Variants in CUBN observed in about 807,000 individuals in gnomAD.
CUBN encodes 460 kDa receptor.
A neutral mutation model predicts 405.3 loss-of-function variants in CUBN; 282 were observed. The ratio of observed to expected loss-of-function variants is 0.70; its 90% CI spans 0.63 to 0.77. CUBN has a LOEUF of 0.77. Ranked by LOEUF, CUBN falls within the 30% of genes least tolerant of loss-of-function variation. The probability of loss-of-function intolerance (pLI) is 0.00; values close to 1 mark genes in which losing one functional copy is unlikely to be tolerated. For missense variants in CUBN, 4,514 were observed against 4,475.2 expected (o/e 1.01, Z -0.25); for synonymous variants, 1,684 against 1,617.0 (o/e 1.04, Z -0.99).
intron 40 of CUBN, among the ~76,000 whole-genome samples, chr10:16,931,236 C>T (rs1395018863): frequency 6.6e-6 from 1 of 151,456 alleles, no homozygotes; most frequent in Non-Finnish European, 1.5e-5. Context: ...TGCAGTCCGG[C>T]CTGGACAAAA....
intron 66 of CUBN, among the ~76,000 whole-genome samples, chr10:16,826,398 T>C (rs533495719): frequency 2.0e-4 from 31 of 152,328 alleles, no homozygotes; most frequent in African/African-American, 7.0e-4. Context: ...TATGTATGTA[T>C]GTAACATGTG....
chr10:16,991,939 C>T (rs1365004851), intron 28 of CUBN, among the ~76,000 whole-genome samples: 1 of 152,180 alleles, frequency 6.6e-6, no homozygotes, highest in Non-Finnish European at 1.5e-5. Context: ...GACACATGCA[C>T]ATGTATGTTT....
At chr10:16,966,253 T>C (rs1253134732) in intron 31 of CUBN, among the ~76,000 whole-genome samples, 2 of 152,200 alleles carry the variant, frequency 1.3e-5, no homozygotes, top group Non-Finnish European at 2.9e-5. Flanking sequence ...ATTCCCAGCA[T>C]GGCTCACTTA....
At chr10:16,862,168 A>T (rs1159949885) in intron 59 of CUBN, among the ~76,000 whole-genome samples, 4 of 147,878 alleles carry the variant, frequency 2.7e-5, no homozygotes, top group African/African-American at 1.0e-4. Flanking sequence ...TCTCACACAC[A>T]CACACACACA....
intron 28 of CUBN, among the ~76,000 whole-genome samples, chr10:17,009,016 T>C (rs925610307): frequency 3.3e-5 from 5 of 152,204 alleles, no homozygotes; most frequent in Admixed American, 6.5e-5. Context: ...GCTCGCCCTC[T>C]CTGTGGGCTC....
At chr10:16,885,034 T>C (rs1024880879) in intron 56 of CUBN, among the ~76,000 whole-genome samples, 2 of 152,170 alleles carry the variant, frequency 1.3e-5, no homozygotes, top group Admixed American at 6.5e-5. Flanking sequence ...CAATCCTCGG[T>C]TTCATCCCAA....
intron 36 of CUBN, among the ~76,000 whole-genome samples, chr10:16,941,511 T>G (rs1180462256): frequency 1.3e-5 from 2 of 152,108 alleles, no homozygotes; most frequent in South Asian, 4.1e-4. Flanking sequence ...ATTAATAAAT[T>G]TGAATTCATA....
chr10:16,985,134 G>A (rs1588551256), intron 29 of CUBN, among the ~76,000 whole-genome samples: 1 of 152,218 alleles, frequency 6.6e-6, no homozygotes, highest in African/African-American at 2.4e-5. Flanking sequence ...GGCCCTAAAC[G>A]GGAACAGGCA....
chr10:17,117,986 A>T (rs995985431), intron 6 of CUBN, among the ~76,000 whole-genome samples: 3 of 152,220 alleles, frequency 2.0e-5, no homozygotes, highest in African/African-American at 7.2e-5. Context: ...TCTTTATTTT[A>T]TCACTAAGTG....
At chr10:17,020,134 G>T in intron 27 of CUBN, 151 bp from the exon 28 acceptor site, 2 of 792,582 alleles carry the variant, frequency 2.5e-6, no homozygotes, top group Non-Finnish European at 4.3e-6. Context: ...CTCAACATAA[G>T]AATTAAAAAT....
chr10:17,095,061 C>T (rs184733159), intron 14 of CUBN, among the ~76,000 whole-genome samples: 31 of 152,076 alleles, frequency 2.0e-4, no homozygotes, highest in African/African-American at 7.2e-4. Context: ...AAACAGATAT[C>T]TAGACCTATG....
chr10:17,116,456 A>G (rs1376945547), intron 6 of CUBN, among the ~76,000 whole-genome samples: 2 of 152,132 alleles, frequency 1.3e-5, no homozygotes, highest in African/African-American at 4.8e-5. Flanking sequence ...CCAGGCCCAG[A>G]GGTTGCCGAT....
Position 17,087,770 on chromosome 10 carries a change from C to T in CUBN, c.1947+394G>A, listed in dbSNP as rs550373111. On this transcript the variant is annotated intron_variant, in intron 15 of 66. Coordinates refer to ENST00000377833, the MANE Select transcript of CUBN (RefSeq NM_001081.4). ...GATTTCAGGCTTGAGCCACCACACC[C>T]GGCCTCTTCGTGGAATGCTACAGTT... Among the ~76,000 whole-genome samples, 79 of 152,242 alleles carry T rather than the reference C, an allele frequency of 5.2e-4. 2 individuals are homozygous for T. In the South Asian group the frequency reaches 0.016, roughly 30 times the overall value.
chr10:16,873,721 CAAA>C (rs56307605), intron 58 of CUBN, among the ~76,000 whole-genome samples: 9 of 116,474 alleles, frequency 7.7e-5, no homozygotes, highest in Non-Finnish European at 1.2e-4. Context: ...GACCTTCTCT[CAAA>C]AAAAAAAAAA....
chr10:16,998,020 G>A (rs191844946), intron 28 of CUBN, among the ~76,000 whole-genome samples: 1 of 152,030 alleles, frequency 6.6e-6, no homozygotes, highest in Non-Finnish European at 1.5e-5. Flanking sequence ...AATCAAAGAA[G>A]AAAATCAAGT....
chr10:17,050,519 A>C (rs1835240524), intron 22 of CUBN, among the ~76,000 whole-genome samples: 1 of 152,216 alleles, frequency 6.6e-6, no homozygotes, highest in African/African-American at 2.4e-5. Context: ...AAAGCCGGGC[A>C]TCTGAGTAGG....
chr10:16,908,539 C>G (rs1353480172), intron 48 of CUBN, among the ~76,000 whole-genome samples: 1 of 152,170 alleles, frequency 6.6e-6, no homozygotes, highest in Non-Finnish European at 1.5e-5. Flanking sequence ...GTTATGGATT[C>G]AAAGCTTCAA....
rs1842407619 is a variant in CUBN, at chr10:16,933,143, G to T, written c.6068C>A (p.Ser2023Tyr). 1.9e-6 allele frequency: 3 copies of T among 1,613,928 alleles called. No homozygotes were observed. The highest frequency in any genetic ancestry group is 2.5e-6 in the Non-Finnish European group (3 of 1,179,998). ...PDSTVELNIL[S>Y]LDIESHRTCA... is the part of the protein sequence containing the mutation. Reference sequence around the variant, plus strand: ...CGTTCGGTGAGATTCAATGTCCAGGGAAAGAATGTTGAGTTCCACGGTAGA... The same window carrying T: ...CGTTCGGTGAGATTCAATGTCCAGGTAAAGAATGTTGAGTTCCACGGTAGA... Residue 2023 changes from serine (S) to tyrosine (Y), a missense_variant, in exon 40 of 67, where the codon TCC becomes TAC. Coordinates refer to ENST00000377833, the MANE Select transcript of CUBN (RefSeq NM_001081.4).
At chr10:16,930,071 C>T (rs1261449313) in intron 40 of CUBN, among the ~76,000 whole-genome samples, 4 of 152,156 alleles carry the variant, frequency 2.6e-5, no homozygotes, top group Non-Finnish European at 4.4e-5. Flanking sequence ...TCCAAAACCT[C>T]AACATATAGA....
Sources: gnomAD v4.1 joint callset for allele counts (sites outside exome capture counted in the v4.1 genomes callset) on GRCh38, gnomAD v4.1.1 for gene constraint, MANE v1.5 for transcripts, NCBI Gene and HGNC (gene_info 2026-07-23, HGNC 2026-07-21) for gene names.